Variants in RSF1 observed in about 807,000 individuals in gnomAD.
RSF1 encodes HBV pX-associated protein 8.
In RSF1, 13 loss-of-function variants were observed where a neutral mutation model predicts 145.2. The observed-to-expected ratio is 0.09, with a 90% CI of 0.06 to 0.14. The LOEUF is 0.14. Ranked by LOEUF, RSF1 falls within the 10% of genes least tolerant of loss-of-function variation. The probability of loss-of-function intolerance (pLI) is 1.00; values close to 1 mark genes in which losing one functional copy is unlikely to be tolerated. For missense variants in RSF1, 1,517 were observed against 1,718.2 expected (o/e 0.88, Z 2.07); for synonymous variants, 577 against 592.6 (o/e 0.97, Z 0.38).
Position 77,777,784 on chromosome 11 carries a change from A to G in RSF1, c.188-13095T>C, listed in dbSNP as rs1414803976. On this transcript the variant is annotated intron_variant, in intron 1 of 15. Transcript: ENST00000308488. ...AGGACTGCATCAACCCAGGAGTTCA[A>G]GACCAGTCTGGGCCACATAACAAGA... 3.9e-5 allele frequency among the ~76,000 whole-genome samples: 6 copies of G among 151,998 alleles called. No homozygotes were observed. In the East Asian group the frequency reaches 1.2e-3, roughly 30 times the overall value.
At chr11:77,728,379 A>C (rs1266092613) in intron 4 of RSF1, among the ~76,000 whole-genome samples, 1 of 152,172 alleles carries the variant, frequency 6.6e-6, no homozygotes, top group Non-Finnish European at 1.5e-5. Context: ...ACTCTACTTG[A>C]AAGTGGCCAC....
chr11:77,667,736 C>T (rs1959408111), intron 15 of RSF1, among the ~76,000 whole-genome samples: 1 of 152,128 alleles, frequency 6.6e-6, no homozygotes, highest in Non-Finnish European at 1.5e-5. Context: ...CAGAGTCTCG[C>T]ACTGTTGCCC....
chr11:77,747,552 G>A (rs1224465932), intron 2 of RSF1, among the ~76,000 whole-genome samples: 1 of 152,152 alleles, frequency 6.6e-6, no homozygotes, highest in Non-Finnish European at 1.5e-5. Context: ...CGCCTCTCTT[G>A]AACTCATTGT....
the RSF1 span, chr11:77,851,035 A>C: frequency 7.1e-6 from 1 of 141,126 alleles, no homozygotes; most frequent in South Asian, 2.2e-4. Context: ...GGCTCACTGT[A>C]ACCTCCACCT....
the RSF1 span, among the ~76,000 whole-genome samples, chr11:77,837,916 T>C: frequency 1.3e-5 from 2 of 151,494 alleles, no homozygotes; most frequent in African/African-American, 2.4e-5. Flanking sequence ...ATAAATAAAA[T>C]TACAAAATTA....
At chr11:77,730,955 T>C (rs534936903) in intron 4 of RSF1, among the ~76,000 whole-genome samples, 7 of 152,268 alleles carry the variant, frequency 4.6e-5, no homozygotes, top group East Asian at 3.9e-4. Context: ...ATATAGTAAA[T>C]TGGTATCAGG....
In RSF1 at chr11:77,700,955, C is replaced by T; in HGVS notation, c.2274G>A (p.Lys758=). Residue 758 remains lysine (K), a synonymous_variant, in exon 6 of 16, where the codon AAG becomes AAA. Coordinates refer to ENST00000308488, the MANE Select transcript of RSF1 (RefSeq NM_016578.4). ...SPPKVLEPEN[K]QEKTEKEEEK... is the part of the protein sequence containing the mutation. ...CCTCTTCCTTTTCTGTCTTCTCTTGCTTGTTTTCTGGTTCTAGAACTTTGG... is the reference window on the plus strand; with the variant it reads ...CCTCTTCCTTTTCTGTCTTCTCTTGTTTGTTTTCTGGTTCTAGAACTTTGG... 3.7e-6 allele frequency: 6 copies of T among 1,613,304 alleles called. No homozygotes were observed. Among genetic ancestry groups the T allele is most frequent in the Admixed American group, 1.7e-5 (1 of 59,926 alleles).
intron 7 of RSF1, among the ~76,000 whole-genome samples, chr11:77,694,189 T>C (rs991912118): frequency 2.0e-5 from 3 of 152,232 alleles, no homozygotes; most frequent in Admixed American, 2.0e-4. Flanking sequence ...ATTCAGTATA[T>C]AGTCATAAAG....
In RSF1 at chr11:77,661,224, T is replaced by C. The variant is rs1188401785; in HGVS notation, c.*5693A>G. 1 of 152,094 alleles carries C rather than the reference T, an allele frequency of 6.6e-6. No homozygotes were observed. Among genetic ancestry groups the C allele is most frequent in the Non-Finnish European group, 1.5e-5 (1 of 67,992 alleles). The allele number at this position is 152,094 out of a possible 1,614,324, so 9.4% of individuals were successfully genotyped here. On this transcript the variant is annotated 3_prime_UTR_variant, in exon 16 of 16. Transcript: ENST00000308488. Reference sequence around the variant, plus strand: ...TAGCATAGGACATACCCTTTCAAAGTGTACACACAACCTCATGGCAGGTTT... The same window carrying C: ...TAGCATAGGACATACCCTTTCAAAGCGTACACACAACCTCATGGCAGGTTT...
chr11:77,800,921 C>T (rs1428817373), intron 1 of RSF1, among the ~76,000 whole-genome samples: 1 of 152,052 alleles, frequency 6.6e-6, no homozygotes, highest in African/African-American at 2.4e-5. Context: ...AAGAGGACTG[C>T]TTAAGCCCAC....
intron 1 of RSF1, among the ~76,000 whole-genome samples, chr11:77,803,103 C>T (rs1173502419): frequency 6.6e-6 from 1 of 152,098 alleles, no homozygotes; most frequent in Admixed American, 6.6e-5. Flanking sequence ...GGGCTTTATG[C>T]CACGTAGTTT....
Position 77,676,854 on chromosome 11 carries a change from A to G in RSF1, c.3279T>C (p.Asp1093=). 1.2e-6 allele frequency: 2 copies of G among 1,613,996 alleles called. No homozygotes were observed. The highest frequency in any genetic ancestry group is 1.7e-6 in the Non-Finnish European group (2 of 1,179,964). ...CATCCAGGTTGCTATCACTGTCCAG[A>G]TCATTTAATCGCCGGCGTTTCTTCC... ...ARRKKRRRLN[D]LDSDSNLDEE... Residue 1093 remains aspartate, a synonymous_variant, in exon 13 of 16, where the codon GAT becomes GAC. Coordinates refer to ENST00000308488, the MANE Select transcript of RSF1 (RefSeq NM_016578.4).
chr11:77,719,762 A>T (rs753282439), intron 5 of RSF1, among the ~76,000 whole-genome samples: 2 of 152,234 alleles, frequency 1.3e-5, no homozygotes, highest in African/African-American at 2.4e-5. Flanking sequence ...TTCATGTGTA[A>T]AAAGGAATGA....
chr11:77,782,196 G>A (rs1279684161), intron 1 of RSF1, among the ~76,000 whole-genome samples: 1 of 152,098 alleles, frequency 6.6e-6, no homozygotes, highest in Non-Finnish European at 1.5e-5. Context: ...ATGTGGCTTA[G>A]TGGTGACATA....
Position 77,664,932 on chromosome 11 carries a change from C to T in RSF1, c.*1985G>A, listed in dbSNP as rs900734102. The T allele has an allele frequency of 5.9e-5, 9 of 152,190 alleles. No individual in the cohort carries two copies. Among genetic ancestry groups the T allele is most frequent in the African/African-American group, 2.2e-4 (9 of 41,438 alleles). 9.4% of individuals were successfully genotyped at this position (152,190 alleles called of 1,614,324 possible). A position where few individuals can be genotyped will look rare whatever the true frequency, so the allele number is the denominator to read the frequency against. ...AATAAAAATCACAACTTACTTGGAA[C>T]CACATGCTATTGGTGCATCCTATTT... On this transcript the variant is annotated 3_prime_UTR_variant, in exon 16 of 16. Coordinates refer to ENST00000308488, the MANE Select transcript of RSF1 (RefSeq NM_016578.4).
At chr11:77,678,871 G>A (rs1298417482) in intron 11 of RSF1, among the ~76,000 whole-genome samples, 1 of 152,140 alleles carries the variant, frequency 6.6e-6, no homozygotes, top group East Asian at 1.9e-4. Context: ...CAGCATACCT[G>A]CCAGTATCTT....
chr11:77,688,322 T>G (rs1474835895), intron 9 of RSF1, among the ~76,000 whole-genome samples: 1 of 152,094 alleles, frequency 6.6e-6, no homozygotes, highest in Non-Finnish European at 1.5e-5. Context: ...CAAAATTCTC[T>G]TCCTTAGTGG....
the RSF1 span, among the ~76,000 whole-genome samples, chr11:77,827,158 C>T: frequency 6.6e-6 from 1 of 151,974 alleles, no homozygotes; most frequent in African/African-American, 2.4e-5. Context: ...CCCCGCCCCC[C>T]TCAGAAAAGA....
At chr11:77,816,523 T>C (rs1366874753) in intron 1 of RSF1, among the ~76,000 whole-genome samples, 16 of 152,216 alleles carry the variant, frequency 1.1e-4, no homozygotes, top group Admixed American at 1.0e-3. Flanking sequence ...CTTAATATCA[T>C]ACAACTAATT....
Sources: gnomAD v4.1 joint callset for allele counts (sites outside exome capture counted in the v4.1 genomes callset) on GRCh38, gnomAD v4.1.1 for gene constraint, MANE v1.5 for transcripts, NCBI Gene and HGNC (gene_info 2026-07-23, HGNC 2026-07-21) for gene names.